The following MOB1B variants were observed in gnomAD, a reference collection of about 807,000 sequenced individuals.
MOB1B encodes MOB1 Mps One Binder homolog B.
MOB1B carries 19 observed loss-of-function variants against 24.4 expected under a neutral mutation model. The ratio of observed to expected loss-of-function variants is 0.78; its 90% confidence interval spans 0.54 to 1.14. MOB1B has a LOEUF of 1.14. MOB1B is among the 50% of genes most tolerant of loss of function. The probability of loss-of-function intolerance (pLI) is 0.00; values close to 1 mark genes in which losing one functional copy is unlikely to be tolerated. For missense variants in MOB1B, 243 were observed against 259.6 expected (o/e 0.94, Z 0.44); for synonymous variants, 76 against 82.1 (o/e 0.93, Z 0.40).
At chr4:70,953,045 C>T (rs781021880) in intron 1 of MOB1B, among the ~76,000 whole-genome samples, 1 of 148,330 alleles carries the variant, frequency 6.7e-6, no homozygotes, top group African/African-American at 2.5e-5. Context: ...TGGGATCAAG[C>T]GATTCTCCTG....
At chr4:70,980,613 T>C (rs111752088) in intron 5 of MOB1B, among the ~76,000 whole-genome samples, 1,965 of 152,282 alleles carry the variant, frequency 0.013, 39 homozygotes, top group African/African-American at 0.045. Flanking sequence ...CTGGTCCTTC[T>C]GCTGCCTGCA....
intron 1 of MOB1B, among the ~76,000 whole-genome samples, chr4:70,907,306 A>AAT (rs1375426368): frequency 6.6e-6 from 1 of 152,162 alleles, no homozygotes; most frequent in East Asian, 1.9e-4. Flanking sequence ...GTGCATATAA[A>AAT]AGGCAGGGAA....
chr4:70,962,315 A>C (rs895669151), intron 2 of MOB1B, among the ~76,000 whole-genome samples: 1 of 152,236 alleles, frequency 6.6e-6, no homozygotes, highest in Admixed American at 6.5e-5. Context: ...TTGATGTCTA[A>C]ATTGATCTCA....
chr4:70,917,574 G>C (rs1736244821), intron 1 of MOB1B, among the ~76,000 whole-genome samples: 2 of 152,190 alleles, frequency 1.3e-5, no homozygotes, highest in African/African-American at 4.8e-5. Context: ...AAGTTTTGTT[G>C]TAGTGTGGAT....
chr4:70,934,973 C>G (rs969246657), intron 1 of MOB1B, among the ~76,000 whole-genome samples: 7 of 151,944 alleles, frequency 4.6e-5, no homozygotes, highest in African/African-American at 1.7e-4. Flanking sequence ...GACAGGGTCT[C>G]TCTCTGTTGC....
At chr4:70,965,403 A>T (rs896744998) in intron 2 of MOB1B, among the ~76,000 whole-genome samples, 2 of 149,904 alleles carry the variant, frequency 1.3e-5, no homozygotes, top group Non-Finnish European at 3.0e-5. Flanking sequence ...TAAAAATAAT[A>T]TTAATTTAAA....
intron 2 of MOB1B, among the ~76,000 whole-genome samples, chr4:70,960,968 G>A (rs1039683460): frequency 2.0e-5 from 3 of 152,150 alleles, no homozygotes; most frequent in African/African-American, 4.8e-5. Flanking sequence ...ACAACTGAGT[G>A]TCTGTACCTC....
intron 1 of MOB1B, among the ~76,000 whole-genome samples, chr4:70,944,372 C>T (rs980464268): frequency 1.3e-5 from 2 of 152,104 alleles, no homozygotes; most frequent in Admixed American, 6.6e-5. Context: ...TGACTGTATA[C>T]TTTTTGACCA....
intron 3 of MOB1B, among the ~76,000 whole-genome samples, chr4:70,974,492 T>C (rs1560665681): frequency 6.6e-6 from 1 of 152,136 alleles, no homozygotes; most frequent in Non-Finnish European, 1.5e-5. Flanking sequence ...AGGGAAAGTG[T>C]CTTTCATTTT....
chr4:70,947,878 G>A (rs1391335573), intron 1 of MOB1B, among the ~76,000 whole-genome samples: 1 of 152,044 alleles, frequency 6.6e-6, no homozygotes, highest in Non-Finnish European at 1.5e-5. Flanking sequence ...CAGAATGCTG[G>A]GATTACTGCC....
intron 1 of MOB1B, among the ~76,000 whole-genome samples, chr4:70,910,457 G>A (rs1298233864): frequency 6.6e-6 from 1 of 151,446 alleles, no homozygotes; most frequent in Non-Finnish European, 1.5e-5. Context: ...ATATATGTGT[G>A]TATGTATATC....
Position 70,969,420 on chromosome 4 carries a change from C to T in MOB1B, c.182-511C>T, listed in dbSNP as rs374444041. Among the ~76,000 whole-genome samples, 3 of 152,288 alleles carry T rather than the reference C, an allele frequency of 2.0e-5. No homozygotes were observed. The South Asian group carries it at 6.2e-4, about 32-fold the overall frequency. ...TGTTGGGATTACAGGTGTGATGCAT[C>T]GTGCCCAGCCTGGTTCTTTAAGAAT... On this transcript the variant is annotated intron_variant, in intron 2 of 5. Coordinates refer to ENST00000309395, the MANE Select transcript of MOB1B (RefSeq NM_173468.4).
chr4:70,925,739 G>C (rs1026674608), intron 1 of MOB1B, among the ~76,000 whole-genome samples: 20 of 152,122 alleles, frequency 1.3e-4, no homozygotes, highest in African/African-American at 4.6e-4. Context: ...AATTTAAATG[G>C]TTTGAGATAA....
chr4:70,930,104 A>G (rs1200947955), intron 1 of MOB1B, among the ~76,000 whole-genome samples: 1 of 152,172 alleles, frequency 6.6e-6, no homozygotes, highest in African/African-American at 2.4e-5. Flanking sequence ...AAGTTTTAAC[A>G]ATTTACTAGA....
chr4:70,962,466 A>G (rs1174245742), intron 2 of MOB1B, among the ~76,000 whole-genome samples: 3 of 152,210 alleles, frequency 2.0e-5, no homozygotes, highest in Non-Finnish European at 4.4e-5. Context: ...TTCAACAAAT[A>G]GTGGTGAAAC....
chr4:70,914,671 G>C (rs573065680), intron 1 of MOB1B, among the ~76,000 whole-genome samples: 1 of 152,212 alleles, frequency 6.6e-6, no homozygotes, highest in Non-Finnish European at 1.5e-5. Context: ...CAGTGGCACA[G>C]GGTTCATTCT....
At chr4:70,909,495 C>T (rs1303641272) in intron 1 of MOB1B, among the ~76,000 whole-genome samples, 1 of 151,832 alleles carries the variant, frequency 6.6e-6, no homozygotes, top group Non-Finnish European at 1.5e-5. Context: ...TGAGCAAGAC[C>T]CTGCCTCTAA....
intron 3 of MOB1B, among the ~76,000 whole-genome samples, chr4:70,971,841 G>T (rs1249611452): frequency 6.6e-6 from 1 of 152,158 alleles, no homozygotes; most frequent in Non-Finnish European, 1.5e-5. Context: ...GCATGTGTGC[G>T]TACATAGTGT....
intron 1 of MOB1B, among the ~76,000 whole-genome samples, chr4:70,920,123 A>G (rs1265766256): frequency 6.6e-6 from 1 of 152,120 alleles, no homozygotes; most frequent in African/African-American, 2.4e-5. Context: ...AACTATCCTT[A>G]TTTCCCAGAA....
Sources: allele counts gnomAD v4.1 joint callset (sites outside exome capture counted in the v4.1 genomes callset), GRCh38; gene constraint gnomAD v4.1.1; transcripts MANE v1.5; gene names NCBI Gene and HGNC (gene_info 2026-07-23, HGNC 2026-07-21).